SLC26A7: variants seen among roughly 807,000 people sequenced by gnomAD.
SLC26A7 encodes anion exchange transporter.
SLC26A7 carries 59 observed loss-of-function variants against 82.5 expected under a neutral mutation model. That is an observed-to-expected ratio of 0.72 (90% confidence interval 0.58 to 0.89). The LOEUF is 0.89. Ranked by LOEUF, SLC26A7 falls within the 40% of genes least tolerant of loss-of-function variation. The pLI, the probability that SLC26A7 is intolerant of heterozygous loss-of-function variation, is 0.00. For missense variants in SLC26A7, 820 were observed against 793.0 expected (o/e 1.03, Z -0.41); for synonymous variants, 271 against 274.3 (o/e 0.99, Z 0.12).
chr8:91,344,860 T>G (rs1167044934), intron 9 of SLC26A7, among the ~76,000 whole-genome samples: 3 of 152,210 alleles, frequency 2.0e-5, no homozygotes, highest in Non-Finnish European at 4.4e-5. Context: ...GAAGGTTTAA[T>G]ATGCAGTGAA....
Position 91,398,027 on chromosome 8 carries a change from T to C in SLC26A7, c.*2930T>C, listed in dbSNP as rs1256208972. On this transcript the variant is annotated 3_prime_UTR_variant, in exon 19 of 19. Transcript: ENST00000276609. ...TAGTTAAAAATCATGTAGTCTAATA[T>C]GCTGCAGTTATTTTTTTATATTTTT... The C allele has an allele frequency of 6.6e-6, 1 of 152,552 alleles. No homozygotes were observed. The highest frequency in any genetic ancestry group is 1.5e-5 in the Non-Finnish European group (1 of 67,980). The allele number at this position is 152,552 out of a possible 1,614,324, so 9.4% of individuals were successfully genotyped here. A position where few individuals can be genotyped will look rare whatever the true frequency, so the allele number is the denominator to read the frequency against.
chr8:91,394,667 G>C, intron 18 of SLC26A7: 1 of 1,106,074 alleles, frequency 9.0e-7, no homozygotes, highest in South Asian at 3.2e-5. Context: ...AGAACAGTAT[G>C]TATTTACAAA....
intron 11 of SLC26A7, among the ~76,000 whole-genome samples, chr8:91,360,167 G>T (rs1459084785): frequency 6.6e-6 from 1 of 152,112 alleles, no homozygotes; most frequent in East Asian, 1.9e-4. Context: ...ATAGGGATCT[G>T]CCACAAAAAC....
intron 11 of SLC26A7, among the ~76,000 whole-genome samples, chr8:91,360,381 G>A (rs916310786): frequency 6.6e-6 from 1 of 152,004 alleles, no homozygotes; most frequent in African/African-American, 2.4e-5. Flanking sequence ...AAAAATAGGG[G>A]CCCGAGAGCC....
intron 9 of SLC26A7, among the ~76,000 whole-genome samples, chr8:91,350,347 CT>C (rs970206605): frequency 6.6e-4 from 94 of 142,102 alleles, no homozygotes; most frequent in Admixed American, 8.4e-4. Flanking sequence ...TCCCAGGTTT[CT>C]TTTTTTTTTT....
At chr8:91,346,831 T>C (rs931280125) in intron 9 of SLC26A7, among the ~76,000 whole-genome samples, 7 of 152,184 alleles carry the variant, frequency 4.6e-5, no homozygotes. Context: ...TCTCCAGCCC[T>C]TGTGGGTTCC....
At chr8:91,331,653 T>G (rs1379417930) in intron 5 of SLC26A7, among the ~76,000 whole-genome samples, 1 of 152,160 alleles carries the variant, frequency 6.6e-6, no homozygotes, top group African/African-American at 2.4e-5. Context: ...TTTTGATATA[T>G]ATATACACAT....
chr8:91,345,956 A>T (rs1184640990), intron 9 of SLC26A7, among the ~76,000 whole-genome samples: 1 of 152,068 alleles, frequency 6.6e-6, no homozygotes, highest in Non-Finnish European at 1.5e-5. Context: ...ATGTTTGATT[A>T]ATATGGTTGG....
intron 14 of SLC26A7, 130 bp from the exon 15 acceptor site, chr8:91,369,655 T>G (rs1033681012): frequency 6.8e-6 from 4 of 585,228 alleles, no homozygotes; most frequent in African/African-American, 5.8e-5. Context: ...CTGAAAAGAA[T>G]GCTAGTGAAA....
chr8:91,362,515 T>C lies in SLC26A7; in HGVS notation c.1421+56T>C, dbSNP rs75987229. The C allele has an allele frequency of 9.3e-4, 1,222 of 1,311,286 alleles. 10 individuals carry two copies. In the African/African-American group the frequency reaches 0.016, roughly 17 times the overall value. The allele number at this position is 1,311,286 out of a possible 1,614,324, so 81.2% of individuals were successfully genotyped here. A position where few individuals can be genotyped will look rare whatever the true frequency, so the allele number is the denominator to read the frequency against. ...TTTGCACAGCAGCAAAATACATGGTTACTTGCCATATGGTACTTGCTAGTT... is the reference window on the plus strand; with the variant it reads ...TTTGCACAGCAGCAAAATACATGGTCACTTGCCATATGGTACTTGCTAGTT... On this transcript the variant is annotated intron_variant, in intron 12 of 18. Transcript: ENST00000276609.
intron 5 of SLC26A7, among the ~76,000 whole-genome samples, chr8:91,330,938 A>T (rs1169837427): frequency 6.6e-6 from 1 of 152,064 alleles, no homozygotes; most frequent in African/African-American, 2.4e-5. Context: ...AGTCCTGGAG[A>T]CTGTAATCAA....
rs1225833063 is a variant in SLC26A7 at position 91,395,309 on chromosome 8, A to T, written c.*212A>T. On this transcript the variant is annotated 3_prime_UTR_variant, in exon 19 of 19. Transcript: ENST00000276609. ...GTAAGAAGATTCGCTTAGTTATTTT[A>T]TGTAAAAATCAGTATGTGTTTAGTT... 1 of 1,271,784 alleles carries T rather than the reference A, an allele frequency of 7.9e-7. No homozygotes were observed. The highest frequency in any genetic ancestry group is 1.5e-5 in the African/African-American group (1 of 65,850). The allele number at this position is 1,271,784 out of a possible 1,614,324, so 78.8% of individuals were successfully genotyped here.
chr8:91,286,579 A>G (rs1403107625), intron 2 of SLC26A7, among the ~76,000 whole-genome samples: 1 of 152,166 alleles, frequency 6.6e-6, no homozygotes, highest in Non-Finnish European at 1.5e-5. Flanking sequence ...TCTAAATTAG[A>G]TTAAGTTACA....
rs995362708 is a variant in SLC26A7 at position 91,366,507 on chromosome 8, A to T, written c.1489-73A>T. The T allele has an allele frequency of 6.0e-6, 9 of 1,492,260 alleles. No individual in the cohort carries two copies. In the Admixed American group the frequency reaches 2.0e-4, roughly 34 times the overall value. The allele number at this position is 1,492,260 out of a possible 1,614,324, so 92.4% of individuals were successfully genotyped here. A position where few individuals can be genotyped will look rare whatever the true frequency, so the allele number is the denominator to read the frequency against. ...GAGAGATTGCTTATAAAATTGAGTG[A>T]CATTTAGATCTGATTGTTTATTGGC... On this transcript the variant is annotated intron_variant, in intron 13 of 18. Transcript: ENST00000276609.
chr8:91,338,667 T>C (rs1452580828), intron 7 of SLC26A7, among the ~76,000 whole-genome samples: 2 of 152,126 alleles, frequency 1.3e-5, no homozygotes, highest in Non-Finnish European at 2.9e-5. Context: ...TATATAATAA[T>C]GAGAGAGTGG....
In SLC26A7 at chr8:91,289,252, A is replaced by G; in HGVS notation, c.304+6A>G. 6.3e-7 allele frequency: 1 copy of G among 1,591,738 alleles called. No individual in the cohort carries two copies. On this transcript the variant is annotated splice_donor_region_variant and intron_variant, in intron 3 of 18. Transcript: ENST00000276609. Reference sequence around the variant, plus strand: ...GGGACATCATGTTGCCACAGGTAATAATTCCTATGTTTATGCTTCTAATGT... The same window carrying G: ...GGGACATCATGTTGCCACAGGTAATGATTCCTATGTTTATGCTTCTAATGT...
At chr8:91,237,131 C>T (rs1338477406) in intron 2 of SLC26A7, among the ~76,000 whole-genome samples, 2 of 152,200 alleles carry the variant, frequency 1.3e-5, no homozygotes, top group African/African-American at 4.8e-5. Context: ...ATACCCTGAA[C>T]TCTGTTATAG....
At chr8:91,321,221 G>A (rs1482417199) in intron 5 of SLC26A7, among the ~76,000 whole-genome samples, 2 of 152,166 alleles carry the variant, frequency 1.3e-5, no homozygotes, top group Non-Finnish European at 2.9e-5. Context: ...AGGTGTTCTT[G>A]CCACAATGAA....
At chr8:91,211,616 A>T (rs189931892) in intron 1 of SLC26A7, among the ~76,000 whole-genome samples, 17,689 of 137,134 alleles carry the variant, frequency 0.13, 1,275 homozygotes, top group African/African-American at 0.22. Flanking sequence ...ATATATATAT[A>T]TTTTTTTTTT....
Sources: allele counts gnomAD v4.1 joint callset (sites outside exome capture counted in the v4.1 genomes callset), GRCh38; gene constraint gnomAD v4.1.1; transcripts MANE v1.5; gene names NCBI Gene and HGNC (gene_info 2026-07-23, HGNC 2026-07-21).